Variants in ELMO1 observed in about 807,000 individuals in gnomAD.
ELMO1 encodes the protein engulfment and cell motility protein 1.
A neutral mutation model predicts 98.9 loss-of-function variants in ELMO1; 26 were observed. The observed-to-expected ratio is 0.26, with a 90% CI of 0.19 to 0.36. The LOEUF (loss-of-function observed/expected upper bound fraction) is 0.36. Ranked by LOEUF, ELMO1 falls within the 10% of genes least tolerant of loss-of-function variation. ELMO1 has a pLI of 1.00. For synonymous variants in ELMO1, 346 were observed against 346.0 expected, an observed-to-expected ratio of 1.00 and a Z score of 0.00; for missense variants, 627 against 935.2, an observed-to-expected ratio of 0.67 and a Z score of 4.30.
At chr7:37,032,491 C>T (rs746488578) in intron 15 of ELMO1, among the ~76,000 whole-genome samples, 10 of 152,180 alleles carry the variant, frequency 6.6e-5, no homozygotes, top group East Asian at 1.9e-4. Context: ...AAAGATACTT[C>T]GCAATGTCCC....
intron 15 of ELMO1, among the ~76,000 whole-genome samples, chr7:37,017,880 A>G (rs73688452): frequency 0.017 from 2,605 of 152,354 alleles, 74 homozygotes; most frequent in African/African-American, 0.059. Flanking sequence ...ACTGGAGGTC[A>G]GAGAAAACAC....
intron 15 of ELMO1, among the ~76,000 whole-genome samples, chr7:37,069,037 AGTCAGGGTT>A (rs1319733102): frequency 6.6e-6 from 1 of 152,194 alleles, no homozygotes; most frequent in South Asian, 2.1e-4. Flanking sequence ...TCCGTGTAAG[AGTCAGGGTT>A]CTATCCTGAC....
intron 16 of ELMO1, among the ~76,000 whole-genome samples, chr7:36,922,869 A>T (rs939572495): frequency 6.6e-6 from 1 of 152,186 alleles, no homozygotes; most frequent in Non-Finnish European, 1.5e-5. Flanking sequence ...CTTCCTATGG[A>T]AAGTGTTCAG....
At chr7:37,384,576 C>T (rs562548246) in intron 1 of ELMO1, among the ~76,000 whole-genome samples, 44 of 152,132 alleles carry the variant, frequency 2.9e-4, no homozygotes, top group African/African-American at 1.0e-3. Flanking sequence ...AAAAATTAGC[C>T]GGGCGCGGTG....
intron 15 of ELMO1, among the ~76,000 whole-genome samples, chr7:37,083,166 C>T (rs1294232324): frequency 6.6e-6 from 1 of 152,190 alleles, no homozygotes; most frequent in African/African-American, 2.4e-5. Context: ...TGCTTAATCT[C>T]TCTTAGGCAC....
Position 37,253,704 on chromosome 7 carries a change from A to G in ELMO1, c.413+5477T>C, listed in dbSNP as rs537828394. ...GCAAACCTGCACGTTCTGCACATGT[A>G]TCCAAGAACTTAAAGTAAAAAAAAA... On this transcript the variant is annotated intron_variant, in intron 6 of 21. Coordinates refer to ENST00000310758, the MANE Select transcript of ELMO1 (RefSeq NM_014800.11). Among the ~76,000 whole-genome samples, 51 of 148,024 alleles carry G rather than the reference A, an allele frequency of 3.4e-4. No homozygotes were observed. The South Asian group carries it at 0.011, about 32-fold the overall frequency.
intron 16 of ELMO1, among the ~76,000 whole-genome samples, chr7:36,912,221 C>T: frequency 6.6e-6 from 1 of 152,118 alleles, no homozygotes; most frequent in East Asian, 1.9e-4. Flanking sequence ...TGAGATACTG[C>T]ATAGATGTAC....
chr7:36,947,218 G>A (rs1179110371), intron 16 of ELMO1, among the ~76,000 whole-genome samples: 2 of 152,142 alleles, frequency 1.3e-5, no homozygotes, highest in Admixed American at 6.6e-5. Context: ...GTGAACATGC[G>A]GTATTTGATT....
chr7:36,873,893 A>G (rs73689664), intron 19 of ELMO1, among the ~76,000 whole-genome samples: 7,071 of 152,360 alleles, frequency 0.046, 230 homozygotes, highest in South Asian at 0.15. Context: ...GGCAGAAACC[A>G]TTCAAAGGAA....
At chr7:36,954,803 T>C (rs547755330) in intron 16 of ELMO1, among the ~76,000 whole-genome samples, 1 of 152,334 alleles carries the variant, frequency 6.6e-6, no homozygotes, top group African/African-American at 2.4e-5. Context: ...TCGCAACTCA[T>C]GAGATGTCTG....
intron 21 of ELMO1, among the ~76,000 whole-genome samples, chr7:36,857,225 T>C (rs1161650903): frequency 6.6e-6 from 1 of 152,200 alleles, no homozygotes. Context: ...TTAAGGGATT[T>C]CCGGAAGAAT....
chr7:37,222,514 C>T, intron 10 of ELMO1, 101 bp downstream of exon 10: 3 of 1,147,380 alleles, frequency 2.6e-6, no homozygotes, highest in Non-Finnish European at 3.9e-6. Flanking sequence ...GCCAGGATAG[C>T]AGAGAGGCCC....
intron 8 of ELMO1, among the ~76,000 whole-genome samples, chr7:37,228,429 G>T (rs1248640290): frequency 6.6e-6 from 1 of 152,050 alleles, no homozygotes; most frequent in Non-Finnish European, 1.5e-5. Flanking sequence ...GTACTTTTGG[G>T]TGACACAAGT....
intron 14 of ELMO1, among the ~76,000 whole-genome samples, chr7:37,121,349 C>G (rs1786019846): frequency 6.6e-6 from 1 of 152,156 alleles, no homozygotes; most frequent in Non-Finnish European, 1.5e-5. Flanking sequence ...GAAGGTCGAA[C>G]CCATCGCAAA....
intron 13 of ELMO1, among the ~76,000 whole-genome samples, chr7:37,170,097 G>A (rs1447204178): frequency 6.6e-6 from 1 of 152,224 alleles, no homozygotes; most frequent in East Asian, 1.9e-4. Flanking sequence ...TAAAGACAGG[G>A]TTTCACCATG....
rs1443504599 is a variant in ELMO1 at position 37,448,677 on chromosome 7, G to C, written c.-76C>G. 1 of 152,306 alleles carries C rather than the reference G, an allele frequency of 6.6e-6. No individual in the cohort carries two copies. Among genetic ancestry groups the C allele is most frequent in the Non-Finnish European group, 1.5e-5 (1 of 68,124 alleles). The allele number at this position is 152,306 out of a possible 1,614,324, so 9.4% of individuals were successfully genotyped here. A position where few individuals can be genotyped will look rare whatever the true frequency, so the allele number is the denominator to read the frequency against. On this transcript the variant is annotated splice_region_variant and 5_prime_UTR_variant, in exon 1 of 22. Coordinates refer to ENST00000310758, the MANE Select transcript of ELMO1 (RefSeq NM_014800.11). ...CCAGCCCAGGAAACTTTACGAACCT[G>C]CTTGGGGTCGCAGGACAGCAGCGGC...
At chr7:37,166,804 T>A (rs1789730275) in intron 13 of ELMO1, among the ~76,000 whole-genome samples, 1 of 152,214 alleles carries the variant, frequency 6.6e-6, no homozygotes. Flanking sequence ...CTGAAAAAAA[T>A]GTATATTCTA....
intron 16 of ELMO1, 50 bp downstream of exon 16, chr7:37,013,249 C>T: frequency 6.2e-7 from 1 of 1,603,294 alleles, no homozygotes. Context: ...ATGCAGCAGG[C>T]CCCTTTAGCG....
chr7:37,345,469 T>C (rs1389917754), intron 1 of ELMO1, among the ~76,000 whole-genome samples: 1 of 151,852 alleles, frequency 6.6e-6, no homozygotes, highest in Non-Finnish European at 1.5e-5. Flanking sequence ...CCCAACACTT[T>C]GAGACTGAGG....
Sources: gnomAD v4.1 joint callset for allele counts (sites outside exome capture counted in the v4.1 genomes callset) on GRCh38, gnomAD v4.1.1 for gene constraint, MANE v1.5 for transcripts, NCBI Gene and HGNC (gene_info 2026-07-23, HGNC 2026-07-21) for gene names.